LMBR1: variants seen among roughly 807,000 people sequenced by gnomAD.
The protein encoded by LMBR1 is limb development membrane protein 1.
A neutral mutation model predicts 73.9 loss-of-function variants in LMBR1; 52 were observed. The observed-to-expected ratio is 0.70, with a 90% CI of 0.56 to 0.89. The LOEUF is 0.89. Ranked by LOEUF, LMBR1 falls within the 40% of genes least tolerant of loss-of-function variation. The pLI, the probability that LMBR1 is intolerant of heterozygous loss-of-function variation, is 0.00. For synonymous variants in LMBR1, 215 were observed against 209.4 expected, an observed-to-expected ratio of 1.03 and a Z score of -0.23; for missense variants, 539 against 579.8, an observed-to-expected ratio of 0.93 and a Z score of 0.72.
At chr7:156,714,946 A>T (rs1047855454) in intron 15 of LMBR1, among the ~76,000 whole-genome samples, 2 of 150,322 alleles carry the variant, frequency 1.3e-5, no homozygotes, top group Non-Finnish European at 3.0e-5. Context: ...ATAAAAAAAT[A>T]CTTTTTTCTT....
chr7:156,851,616 G>A (rs1312358357), intron 1 of LMBR1, among the ~76,000 whole-genome samples: 1 of 152,136 alleles, frequency 6.6e-6, no homozygotes, highest in African/African-American at 2.4e-5. Flanking sequence ...AGAGAAGAGG[G>A]TAGAAATAAG....
chr7:156,858,993 C>A (rs934796061), intron 1 of LMBR1, among the ~76,000 whole-genome samples: 1 of 152,130 alleles, frequency 6.6e-6, no homozygotes, highest in African/African-American at 2.4e-5. Flanking sequence ...GTGGCTCAGA[C>A]CTGTAATCCC....
chr7:156,729,418 G>GAT (rs10676443), intron 10 of LMBR1, among the ~76,000 whole-genome samples: 2,153 of 146,878 alleles, frequency 0.015, 35 homozygotes, highest in African/African-American at 0.04. Flanking sequence ...TCTACATATT[G>GAT]ATATATATAT....
chr7:156,750,405 T>C (rs1820655276), intron 9 of LMBR1, among the ~76,000 whole-genome samples: 1 of 152,168 alleles, frequency 6.6e-6, no homozygotes, highest in African/African-American at 2.4e-5. Flanking sequence ...TTAGGAGTCT[T>C]GGAGTAGAAA....
chr7:156,780,623 T>C (rs978271553), intron 5 of LMBR1, among the ~76,000 whole-genome samples: 13 of 152,196 alleles, frequency 8.5e-5, no homozygotes, highest in African/African-American at 2.7e-4. Flanking sequence ...TCAAAATTCA[T>C]AGAAAAGAAG....
At chr7:156,794,639 T>C (rs921818446) in intron 5 of LMBR1, among the ~76,000 whole-genome samples, 1 of 152,186 alleles carries the variant, frequency 6.6e-6, no homozygotes, top group Non-Finnish European at 1.5e-5. Context: ...ATAAATTAGG[T>C]AGATACTGTT....
chr7:156,727,854 G>T, intron 12 of LMBR1, 76 bp downstream of exon 12: 2 of 953,866 alleles, frequency 2.1e-6, no homozygotes, highest in Non-Finnish European at 3.3e-6. Flanking sequence ...GTTTTCATTT[G>T]CTTACTTGAA....
chr7:156,795,043 G>A (rs901966232), intron 5 of LMBR1, among the ~76,000 whole-genome samples: 3 of 152,146 alleles, frequency 2.0e-5, no homozygotes, highest in African/African-American at 7.2e-5. Flanking sequence ...ATTCGACCCT[G>A]GCAAGCGGCT....
chr7:156,710,905 T>C (rs1811944217), intron 15 of LMBR1, among the ~76,000 whole-genome samples: 1 of 152,168 alleles, frequency 6.6e-6, no homozygotes, highest in African/African-American at 2.4e-5. Context: ...GTCAAGCATT[T>C]TGTATCCAGC....
chr7:156,804,647 T>C (rs1831666406), intron 4 of LMBR1, among the ~76,000 whole-genome samples: 1 of 152,186 alleles, frequency 6.6e-6, no homozygotes, highest in South Asian at 2.1e-4. Context: ...TCTATTCATG[T>C]CTTTTTTAGC....
intron 4 of LMBR1, among the ~76,000 whole-genome samples, chr7:156,816,565 T>A (rs958813550): frequency 6.6e-6 from 1 of 152,186 alleles, no homozygotes; most frequent in Non-Finnish European, 1.5e-5. Context: ...ACCAGCTTTT[T>A]TCAACCTAGG....
intron 2 of LMBR1, chr7:156,834,376 A>G (rs1398203898): frequency 6.4e-6 from 1 of 156,464 alleles, no homozygotes; most frequent in Non-Finnish European, 1.4e-5. Flanking sequence ...TGAGGTGGGC[A>G]GATCTCTTGA....
intron 15 of LMBR1, among the ~76,000 whole-genome samples, chr7:156,705,627 G>T (rs1810762193): frequency 6.6e-6 from 1 of 152,192 alleles, no homozygotes; most frequent in African/African-American, 2.4e-5. Flanking sequence ...ATACATGAAG[G>T]AGAGATAAAG....
intron 15 of LMBR1, among the ~76,000 whole-genome samples, chr7:156,718,867 T>C (rs896858386): frequency 6.6e-6 from 1 of 152,194 alleles, no homozygotes; most frequent in African/African-American, 2.4e-5. Context: ...AGTTACTTTT[T>C]TTTTTTTACA....
At chr7:156,883,806 T>C (rs962627780) in intron 1 of LMBR1, among the ~76,000 whole-genome samples, 2 of 152,266 alleles carry the variant, frequency 1.3e-5, no homozygotes, top group Non-Finnish European at 1.5e-5. Flanking sequence ...CTCCTCTGAC[T>C]CTGACCCTCC....
At chr7:156,690,705 G>A (rs748663621) in intron 15 of LMBR1, among the ~76,000 whole-genome samples, 14 of 151,676 alleles carry the variant, frequency 9.2e-5, no homozygotes, top group South Asian at 2.1e-4. Flanking sequence ...ATAGTGCACC[G>A]AAGAAATAGA....
chr7:156,783,251 A>T (rs1168118350), intron 5 of LMBR1, among the ~76,000 whole-genome samples: 1 of 152,140 alleles, frequency 6.6e-6, no homozygotes, highest in Non-Finnish European at 1.5e-5. Flanking sequence ...GGCTCACTGC[A>T]GCTTCAAACT....
chr7:156,874,871 T>C (rs1406287225), intron 1 of LMBR1, among the ~76,000 whole-genome samples: 1 of 152,170 alleles, frequency 6.6e-6, no homozygotes, highest in Admixed American at 6.5e-5. Context: ...ATTCCATTAA[T>C]ACGACAAAGA....
chr7:156,728,087 C>T (rs1488572517), intron 11 of LMBR1, 80 bp from the exon 12 acceptor site: 1 of 1,101,406 alleles, frequency 9.1e-7, no homozygotes, highest in Admixed American at 2.0e-5. Context: ...ACCAAATACA[C>T]GTTTCAGAAT....
Sources: gnomAD v4.1 joint callset for allele counts (sites outside exome capture counted in the v4.1 genomes callset) on GRCh38, gnomAD v4.1.1 for gene constraint, MANE v1.5 for transcripts, NCBI Gene and HGNC (gene_info 2026-07-23, HGNC 2026-07-21) for gene names.